The following TENM3 variants were observed in gnomAD, a reference collection of about 807,000 sequenced individuals.
The protein encoded by TENM3 is teneurin-3.
Under a neutral mutation model 255.1 loss-of-function variants are expected in TENM3, and 63 were observed. The ratio of observed to expected loss-of-function variants is 0.25; its 90% CI spans 0.20 to 0.30. The LOEUF (loss-of-function observed/expected upper bound fraction) is 0.30. TENM3 is among the 10% of genes least tolerant of loss of function. TENM3 has a pLI of 1.00. For missense variants in TENM3, 2,929 were observed against 3,461.1 expected (o/e 0.85, Z 3.86); for synonymous variants, 1,306 against 1,322.3 (o/e 0.99, Z 0.27).
At chr4:181,654,765 A>AAAG in the TENM3 span, among the ~76,000 whole-genome samples, 1 of 151,384 alleles carries the variant, frequency 6.6e-6, no homozygotes, top group Non-Finnish European at 1.5e-5. Flanking sequence ...AAAAAAAAAA[A>AAAG]AAAAAAAAAG....
At chr4:182,100,438 T>TTA in the TENM3 span, among the ~76,000 whole-genome samples, 3 of 65,734 alleles carry the variant, frequency 4.6e-5, no homozygotes, top group Non-Finnish European at 1.0e-4. Context: ...TCCGTCTCCG[T>TTA]AAAAAAAAAA....
chr4:181,711,313 T>G, the TENM3 span, among the ~76,000 whole-genome samples: 1 of 151,066 alleles, frequency 6.6e-6, no homozygotes. Context: ...TCAGTTTAAA[T>G]CCACTGTGTG....
At chr4:181,867,299 C>T in the TENM3 span, among the ~76,000 whole-genome samples, 2 of 152,096 alleles carry the variant, frequency 1.3e-5, no homozygotes, top group Non-Finnish European at 2.9e-5. Context: ...AACTCTGCAG[C>T]TTGGTCATTT....
intron 3 of TENM3, among the ~76,000 whole-genome samples, chr4:182,463,574 G>A (rs912052352): frequency 5.9e-5 from 9 of 151,560 alleles, no homozygotes; most frequent in Non-Finnish European, 1.0e-4. Context: ...GAGTTCAAGC[G>A]ATTCGAATCA....
chr4:182,636,927 T>C (rs1751897066), intron 5 of TENM3, among the ~76,000 whole-genome samples: 1 of 152,212 alleles, frequency 6.6e-6, no homozygotes, highest in Non-Finnish European at 1.5e-5. Flanking sequence ...AACTATCATT[T>C]TTGCAAAACG....
the TENM3 span, among the ~76,000 whole-genome samples, chr4:181,460,014 G>T: frequency 6.6e-6 from 1 of 151,534 alleles, no homozygotes; most frequent in South Asian, 2.1e-4. Flanking sequence ...TGCAGTTTTT[G>T]GTGTAAAGAT....
At chr4:182,741,698 C>T (rs1211719255) in intron 18 of TENM3, among the ~76,000 whole-genome samples, 2 of 152,312 alleles carry the variant, frequency 1.3e-5, no homozygotes, top group East Asian at 3.9e-4. Context: ...AAATGCATTT[C>T]ACCTCTTGTT....
chr4:182,320,291 AG>A (rs1762974573), intron 1 of TENM3, among the ~76,000 whole-genome samples: 1 of 152,194 alleles, frequency 6.6e-6, no homozygotes, highest in Non-Finnish European at 1.5e-5. Flanking sequence ...TTAGAACAAC[AG>A]GAAGTTATTC....
intron 1 of TENM3, among the ~76,000 whole-genome samples, chr4:182,282,225 C>A (rs1760431086): frequency 6.6e-6 from 1 of 152,116 alleles, no homozygotes; most frequent in Non-Finnish European, 1.5e-5. Context: ...CAATGCAGTG[C>A]CCTTCCCATA....
chr4:182,649,349 G>C (rs1404798956), intron 5 of TENM3, among the ~76,000 whole-genome samples: 1 of 150,348 alleles, frequency 6.7e-6, no homozygotes, highest in Non-Finnish European at 1.5e-5. Flanking sequence ...TTTAAATTGT[G>C]AAAAACACAC....
intron 13 of TENM3, among the ~76,000 whole-genome samples, 168 bp downstream of exon 13, chr4:182,714,401 C>T (rs1758998358): frequency 6.6e-6 from 1 of 150,834 alleles, no homozygotes; most frequent in Non-Finnish European, 1.5e-5. Flanking sequence ...TGATTTTGCT[C>T]TCCATTTTTC....
chr4:181,777,541 G>A, the TENM3 span, among the ~76,000 whole-genome samples: 15 of 152,094 alleles, frequency 9.9e-5, no homozygotes, highest in South Asian at 2.1e-4. Flanking sequence ...ATCCATGAAC[G>A]TGGGATGACT....
chr4:182,490,365 A>T (rs1735172370), intron 3 of TENM3, among the ~76,000 whole-genome samples: 1 of 152,192 alleles, frequency 6.6e-6, no homozygotes, highest in Non-Finnish European at 1.5e-5. Context: ...TTATCCTGTG[A>T]TCAATTTTTG....
intron 3 of TENM3, among the ~76,000 whole-genome samples, chr4:182,470,241 A>G (rs2151445942): frequency 6.6e-6 from 1 of 152,370 alleles, no homozygotes; most frequent in African/African-American, 2.4e-5. Flanking sequence ...ATCAAAAACT[A>G]TAGTAAACAG....
At chr4:182,731,308 A>C (rs1209707838) in intron 16 of TENM3, among the ~76,000 whole-genome samples, 169 bp downstream of exon 16, 4 of 152,140 alleles carry the variant, frequency 2.6e-5, no homozygotes, top group Non-Finnish European at 5.9e-5. Flanking sequence ...GTTCAAGACC[A>C]GCCTGGCCAA....
chr4:182,232,145 T>G (rs997954683), intron 1 of TENM3, among the ~76,000 whole-genome samples: 5 of 152,174 alleles, frequency 3.3e-5, no homozygotes, highest in African/African-American at 1.2e-4. Flanking sequence ...TATACAAATG[T>G]CTATTCCGGG....
chr4:182,682,830 T>C (rs1441733529), intron 11 of TENM3, among the ~76,000 whole-genome samples: 3 of 152,188 alleles, frequency 2.0e-5, no homozygotes, highest in South Asian at 2.1e-4. Flanking sequence ...GATGCCATTC[T>C]AGTGTGGAAG....
chr4:182,381,648 G>A (rs540250177), intron 3 of TENM3, among the ~76,000 whole-genome samples: 5 of 141,484 alleles, frequency 3.5e-5, no homozygotes, highest in South Asian at 2.3e-4. Flanking sequence ...TGCAACATCC[G>A]CCTCCAGCGT....
chr4:181,449,698 C>A, the TENM3 span, among the ~76,000 whole-genome samples: 1 of 152,032 alleles, frequency 6.6e-6, no homozygotes, highest in Non-Finnish European at 1.5e-5. Context: ...GAGGCAGGAG[C>A]ATTGCTTGAA....
Sources: gnomAD v4.1 joint callset for allele counts (sites outside exome capture counted in the v4.1 genomes callset) on GRCh38, gnomAD v4.1.1 for gene constraint, MANE v1.5 for transcripts, NCBI Gene and HGNC (gene_info 2026-07-23, HGNC 2026-07-21) for gene names.